TRIO: variants seen among roughly 807,000 people sequenced by gnomAD.
The protein encoded by TRIO is trio Rho guanine nucleotide exchange factor, also known as triple functional domain protein.
A neutral mutation model predicts 351.9 loss-of-function variants in TRIO; 58 were observed. That is an observed-to-expected ratio of 0.16 (90% CI 0.13 to 0.21). The LOEUF is 0.21. Ranked by LOEUF, TRIO falls within the 10% of genes least tolerant of loss-of-function variation. TRIO has a pLI of 1.00. For synonymous variants in TRIO, 1,758 were observed against 1,595.7 expected (o/e 1.10, Z -2.42); for missense variants, 3,201 against 4,027.8 (o/e 0.79, Z 5.56).
intron 41 of TRIO, among the ~76,000 whole-genome samples, chr5:14,478,308 A>G (rs952178757): frequency 2.6e-5 from 4 of 152,218 alleles, no homozygotes; most frequent in Non-Finnish European, 5.9e-5. Context: ...TTTTTACTAT[A>G]AATTTGTGGC....
intron 34 of TRIO, among the ~76,000 whole-genome samples, chr5:14,456,218 G>A (rs1200333972): frequency 2.6e-5 from 4 of 152,332 alleles, no homozygotes; most frequent in African/African-American, 7.2e-5. Flanking sequence ...GCTAGCCTGC[G>A]AGCACCGCAC....
Position 14,400,951 on chromosome 5 carries a change from C to G in TRIO, c.4615-12C>G, listed in dbSNP as rs1748025161. On this transcript the variant is annotated splice_polypyrimidine_tract_variant and intron_variant, in intron 30 of 56. Transcript: ENST00000344204. ...TACTGTCACCTAATTATATAATTGTCTTTTTATCCAGACCTCAGAGTTGGG... is the reference window on the plus strand; with the variant it reads ...TACTGTCACCTAATTATATAATTGTGTTTTTATCCAGACCTCAGAGTTGGG... The G allele has an allele frequency of 1.9e-6, 3 of 1,612,546 alleles. No individual in the cohort carries two copies. The highest frequency in any genetic ancestry group is 2.5e-6 in the Non-Finnish European group (3 of 1,179,190).
chr5:14,488,083 C>G lies in TRIO; in HGVS notation c.7455C>G (p.Phe2485Leu), dbSNP rs768679760. Residue 2485 changes from phenylalanine (F) to leucine (L), a missense_variant, in exon 48 of 57, where the codon TTC (phenylalanine) becomes TTG (leucine). Physicochemically the swap from Phe to Leu is conservative, Grantham distance 22 (BLOSUM62 0). This residue lies in a region of TRIO where 1,089 missense variants were observed against 954.9 expected (regional missense o/e 1.14). Coordinates refer to ENST00000344204, the MANE Select transcript of TRIO (RefSeq NM_007118.4). ...GCCCCCTGCAGAAGGGGGGCTCCTT[C>G]TGGAGCTCCATCCCCGCCTCCCCCG... ...PSSPLQKGGS[F>L]WSSIPASPAS... 3.0e-5 allele frequency: 49 copies of G among 1,609,756 alleles called. No individual in the cohort carries two copies. Among genetic ancestry groups the G allele is most frequent in the Non-Finnish European group, 4.2e-5 (49 of 1,179,060 alleles).
At chr5:14,502,015 G>A (rs1340824056) in intron 53 of TRIO, among the ~76,000 whole-genome samples, 1 of 152,166 alleles carries the variant, frequency 6.6e-6, no homozygotes, top group East Asian at 1.9e-4. Context: ...ATTTACAGTT[G>A]GCACTTTTAT....
chr5:14,179,413 C>A (rs907777914), intron 1 of TRIO, among the ~76,000 whole-genome samples: 1 of 150,980 alleles, frequency 6.6e-6, no homozygotes, highest in Admixed American at 6.6e-5. Flanking sequence ...CCTCAGAATT[C>A]TTCAGTAATA....
At chr5:14,308,719 G>GTCCATCCATCCATCCATCCATCCA (rs56135752) in intron 8 of TRIO, among the ~76,000 whole-genome samples, 1 of 124,990 alleles carries the variant, frequency 8.0e-6, no homozygotes, top group Non-Finnish European at 1.6e-5. Context: ...CCATTCATTT[G>GTCCATCCATCCATCCATCCATCCA]TCCATCCATC....
Position 14,293,125 on chromosome 5 carries a change from G to C in TRIO, c.1167G>C (p.Met389Ile). Reference protein sequence around the residue: ...ELQTQHNHFAMNCMNVYVNIN... With the variant: ...ELQTQHNHFAINCMNVYVNIN... ...AGACGCAGCACAATCACTTTGCCATGAACTGTATGGTAAGACACTCGGAAC... is the reference window on the plus strand; with the variant it reads ...AGACGCAGCACAATCACTTTGCCATCAACTGTATGGTAAGACACTCGGAAC... The change falls in exon 6 of 57, where the codon ATG becomes ATC. Residue 389 changes from methionine to isoleucine, a missense_variant. By Grantham distance (10) the Met-to-Ile change is conservative. Transcript: ENST00000344204. 6.2e-7 allele frequency: 1 copy of C among 1,614,118 alleles called. No individual in the cohort carries two copies. The highest frequency in any genetic ancestry group is 8.5e-7 in the Non-Finnish European group (1 of 1,179,990).
At position 14,212,976 on chromosome 5, in the gene TRIO, G is replaced by T. The variant is rs974746054; in HGVS notation, c.158-57849G>T. Reference sequence around the variant, plus strand: ...TAAGACTCATGGCCGGATCTGATTTGTAATTTCTTGTTTCTGACCAAGAAG... The same window carrying T: ...TAAGACTCATGGCCGGATCTGATTTTTAATTTCTTGTTTCTGACCAAGAAG... On this transcript the variant is annotated intron_variant, in intron 1 of 56. Coordinates refer to ENST00000344204, the MANE Select transcript of TRIO (RefSeq NM_007118.4). Among the ~76,000 whole-genome samples, 3 of 152,294 alleles carry T rather than the reference G, an allele frequency of 2.0e-5. No homozygotes were observed. The South Asian group carries it at 6.2e-4, about 32-fold the overall frequency.
chr5:14,387,974 A>G (rs1337232476), intron 23 of TRIO, 127 bp downstream of exon 23: 3 of 947,490 alleles, frequency 3.2e-6, no homozygotes, highest in East Asian at 2.6e-5. Context: ...CTCTGGGTGG[A>G]CTTAGTTGTG....
intron 10 of TRIO, among the ~76,000 whole-genome samples, chr5:14,332,794 A>G (rs1741023654): frequency 6.6e-6 from 1 of 152,158 alleles, no homozygotes; most frequent in African/African-American, 2.4e-5. Context: ...GTAAAATGAT[A>G]CCTAACACCT....
chr5:14,346,889 T>C (rs1034863693), intron 11 of TRIO, among the ~76,000 whole-genome samples: 1 of 152,228 alleles, frequency 6.6e-6, no homozygotes, highest in African/African-American at 2.4e-5. Flanking sequence ...AGGTAGAAGA[T>C]GTCAGGAGGC....
At chr5:14,402,118 T>C (rs762027333) in intron 31 of TRIO, among the ~76,000 whole-genome samples, 2 of 152,200 alleles carry the variant, frequency 1.3e-5, no homozygotes, top group Non-Finnish European at 2.9e-5. Flanking sequence ...CTATATGATA[T>C]CAGTTGCACC....
At chr5:14,464,267 C>T (rs1357010336) in intron 36 of TRIO, among the ~76,000 whole-genome samples, 2 of 152,182 alleles carry the variant, frequency 1.3e-5, no homozygotes, top group Non-Finnish European at 2.9e-5. Flanking sequence ...GGGTGGTTGT[C>T]CAAACATTGA....
chr5:14,467,931 A>G (rs907292636), intron 37 of TRIO, among the ~76,000 whole-genome samples: 1 of 152,206 alleles, frequency 6.6e-6, no homozygotes, highest in Non-Finnish European at 1.5e-5. Flanking sequence ...CTTAAATTGT[A>G]TCCAGTGAGT....
chr5:14,316,155 T>C (rs950293894), intron 8 of TRIO, among the ~76,000 whole-genome samples: 1 of 152,240 alleles, frequency 6.6e-6, no homozygotes, highest in Admixed American at 6.5e-5. Context: ...ATCCCAGGAA[T>C]GCAGTTTCTG....
chr5:14,227,462 G>A (rs746628653), intron 1 of TRIO, among the ~76,000 whole-genome samples: 1 of 152,184 alleles, frequency 6.6e-6, no homozygotes, highest in Non-Finnish European at 1.5e-5. Flanking sequence ...TCATACTGAC[G>A]ATCAGTTTTA....
chr5:14,357,528 T>C (rs560176886), intron 11 of TRIO, among the ~76,000 whole-genome samples: 1 of 152,304 alleles, frequency 6.6e-6, no homozygotes, highest in African/African-American at 2.4e-5. Context: ...TCCAGCAGCC[T>C]GTTTTATGGT....
chr5:14,217,623 A>T (rs1007848083), intron 1 of TRIO, among the ~76,000 whole-genome samples: 3 of 152,316 alleles, frequency 2.0e-5, no homozygotes, highest in African/African-American at 7.2e-5. Context: ...AATGATGACA[A>T]GGGCATACCT....
At chr5:14,186,244 C>G (rs1790103966) in intron 1 of TRIO, among the ~76,000 whole-genome samples, 1 of 152,208 alleles carries the variant, frequency 6.6e-6, no homozygotes, top group African/African-American at 2.4e-5. Context: ...GAGCTCTAGG[C>G]TGGCCTTCCC....
Sources: gnomAD v4.1 joint callset for allele counts (sites outside exome capture counted in the v4.1 genomes callset) on GRCh38, gnomAD v4.1.1 for gene constraint, gnomAD v4.1.1 regional missense constraint, MANE v1.5 for transcripts, NCBI Gene and HGNC (gene_info 2026-07-23, HGNC 2026-07-21) for gene names.